The following FSD1L variants were observed in gnomAD, a reference collection of about 807,000 sequenced individuals.
FSD1L encodes the protein FSD1-like protein.
In FSD1L, 45 loss-of-function variants were observed where a neutral mutation model predicts 71.6. That is an observed-to-expected ratio of 0.63 (90% CI 0.49 to 0.81). The LOEUF is 0.81. FSD1L is among the 30% of genes least tolerant of loss of function. FSD1L has a pLI of 0.00. For synonymous variants in FSD1L, 197 were observed against 207.2 expected (o/e 0.95, Z 0.42); for missense variants, 561 against 618.1 (o/e 0.91, Z 0.98).
At chr9:105,470,325 T>A (rs1831371655) in intron 4 of FSD1L, among the ~76,000 whole-genome samples, 1 of 152,178 alleles carries the variant, frequency 6.6e-6, no homozygotes, top group Admixed American at 6.5e-5. Flanking sequence ...TACATTGAAT[T>A]TATAGATTGC....
intron 1 of FSD1L, among the ~76,000 whole-genome samples, chr9:105,453,658 A>G (rs556266876): frequency 1.3e-5 from 2 of 152,232 alleles, no homozygotes; most frequent in South Asian, 4.1e-4. Flanking sequence ...TATATAATAC[A>G]GATACATTCA....
chr9:105,452,198 C>T (rs1429182144), intron 1 of FSD1L, among the ~76,000 whole-genome samples: 1 of 152,214 alleles, frequency 6.6e-6, no homozygotes, highest in Non-Finnish European at 1.5e-5. Context: ...TCTTTGCCTT[C>T]ATATTGTACC....
rs1022473930 is a variant in FSD1L at position 105,493,402 on chromosome 9, G to A, written c.586+8900G>A. ...TTTGAGCCTATGTGTGTCTCTGCAC[G>A]TGAGATGGGTTTCCTGAATACAGCA... On this transcript the variant is annotated intron_variant, in intron 7 of 13. Coordinates refer to ENST00000481272, the MANE Select transcript of FSD1L (RefSeq NM_001145313.3). Among the ~76,000 whole-genome samples the A allele has an allele frequency of 2.1e-3, 320 of 152,102 alleles. 3 individuals carry two copies. Among genetic ancestry groups the A allele is most frequent in the African/African-American group, 7.2e-3 (297 of 41,464 alleles).
At position 105,512,924 on chromosome 9, in the gene FSD1L, A is replaced by G; in HGVS notation, c.1013A>G (p.Glu338Gly). 6.5e-7 allele frequency: 1 copy of G among 1,536,858 alleles called. No individual in the cohort carries two copies. Among genetic ancestry groups the G allele is most frequent in the Non-Finnish European group, 8.8e-7 (1 of 1,141,490 alleles). ...CAAGAAAGTAAAATTAAAGGAAAAG[A>G]GAACAAGGGCAGGTAAGCTAGACCA... Reference protein sequence around the residue: ...KGQESKIKGKENKGRSGTPSP... With the variant: ...KGQESKIKGKGNKGRSGTPSP... The change falls in exon 10 of 14, where the codon GAG becomes GGG. Residue 338 changes from glutamate to glycine, a missense_variant. Transcript: ENST00000481272.
Position 105,481,776 on chromosome 9 carries a change from A to T in FSD1L, c.464+2400A>T, listed in dbSNP as rs558743501. On this transcript the variant is annotated intron_variant, in intron 6 of 13. Transcript: ENST00000481272. ...GCTATTTTCACCAAGCAAAGAAAGG[A>T]TTTTTTTTTTTTTTGGGTCAGGGTC... 2.1e-5 allele frequency among the ~76,000 whole-genome samples: 3 copies of T among 143,962 alleles called. No individual in the cohort carries two copies. In the South Asian group the frequency reaches 6.7e-4, roughly 32 times the overall value. 94.4% of individuals were successfully genotyped at this position (143,962 alleles called of 152,430 possible).
intron 7 of FSD1L, among the ~76,000 whole-genome samples, chr9:105,492,763 T>C (rs1268695852): frequency 6.6e-6 from 1 of 152,162 alleles, no homozygotes; most frequent in African/African-American, 2.4e-5. Flanking sequence ...ATGTACCCAG[T>C]AGTCATTCAG....
At chr9:105,479,224 G>C in intron 5 of FSD1L, 130 bp from the exon 6 acceptor site, 1 of 679,046 alleles carries the variant, frequency 1.5e-6, no homozygotes, top group Non-Finnish European at 2.5e-6. Context: ...TCTATAGTTT[G>C]TGTTTTGGTG....
chr9:105,524,971 C>G (rs1336392155), intron 10 of FSD1L: 2 of 1,611,440 alleles, frequency 1.2e-6, no homozygotes, highest in Non-Finnish European at 8.5e-7. Flanking sequence ...GTATCCAGAT[C>G]AGATCAGAAG....
chr9:105,520,737 C>G (rs928880270), intron 10 of FSD1L: 20 of 1,613,136 alleles, frequency 1.2e-5, no homozygotes, highest in Non-Finnish European at 1.6e-5. Context: ...TTCAGCACCA[C>G]AGTCTGAACA....
At chr9:105,510,735 G>C (rs1336391101) in intron 9 of FSD1L, among the ~76,000 whole-genome samples, 1 of 152,080 alleles carries the variant, frequency 6.6e-6, no homozygotes, top group Non-Finnish European at 1.5e-5. Context: ...TATATTATTA[G>C]TTATTTTCTT....
intron 1 of FSD1L, among the ~76,000 whole-genome samples, chr9:105,461,120 A>G (rs542812684): frequency 1.4e-3 from 218 of 152,322 alleles, no homozygotes; most frequent in African/African-American, 4.8e-3. Flanking sequence ...AAAGTTCAGA[A>G]AGCTTTTAGG....
intron 4 of FSD1L, among the ~76,000 whole-genome samples, chr9:105,471,164 C>A (rs1564089937): frequency 1.3e-5 from 2 of 149,844 alleles, no homozygotes; most frequent in South Asian, 4.2e-4. Flanking sequence ...TCTTGCCTTT[C>A]CTTCTTCCCA....
chr9:105,468,278 T>G lies in FSD1L; in HGVS notation c.293T>G (p.Ile98Ser). The G allele has an allele frequency of 6.7e-7, 1 of 1,491,808 alleles. No homozygotes were observed. Among genetic ancestry groups the G allele is most frequent in the Non-Finnish European group, 8.9e-7 (1 of 1,126,180 alleles). 92.4% of individuals were successfully genotyped at this position (1,491,808 alleles called of 1,614,324 possible). ...CTGGATGAAGTAAAAGAAAGTATGA[T>G]TAACTGTATCAAGCAGGAACAAGCT... The part of the protein sequence containing the change: ...SILDEVKESM[I>S]NCIKQEQARK... The change falls in exon 4 of 14, where the codon ATT (isoleucine) becomes AGT (serine). Residue 98 changes from isoleucine (I) to serine (S), a missense_variant. By Grantham distance (142) the Ile-to-Ser change is moderately radical. This residue lies in a region of FSD1L where 410 missense variants were observed against 413.5 expected (regional missense o/e 0.99). Transcript: ENST00000481272.
chr9:105,529,336 G>A (rs536756924), intron 10 of FSD1L, among the ~76,000 whole-genome samples: 9 of 152,194 alleles, frequency 5.9e-5, no homozygotes, highest in African/African-American at 1.9e-4. Context: ...TATGTTTATC[G>A]GGTCACTATT....
upstream of FSD1L, among the ~76,000 whole-genome samples, chr9:105,443,203 C>T (rs1321877193): frequency 3.3e-5 from 5 of 152,140 alleles, no homozygotes; most frequent in East Asian, 5.8e-4. Flanking sequence ...AAGACATACT[C>T]GAGACTGGGT....
At chr9:105,448,677 C>T (rs1412833674) in intron 1 of FSD1L, among the ~76,000 whole-genome samples, 6 of 152,342 alleles carry the variant, frequency 3.9e-5, no homozygotes, top group African/African-American at 1.4e-4. Context: ...TCGACCAAGT[C>T]TCGTCTCAGC....
At chr9:105,460,890 G>A (rs1000619434) in intron 1 of FSD1L, among the ~76,000 whole-genome samples, 2 of 152,162 alleles carry the variant, frequency 1.3e-5, no homozygotes, top group African/African-American at 2.4e-5. Flanking sequence ...GGACCCCGAA[G>A]TGGTGTTACT....
At chr9:105,495,259 G>A (rs922268032) in intron 7 of FSD1L, among the ~76,000 whole-genome samples, 2 of 152,186 alleles carry the variant, frequency 1.3e-5, no homozygotes, top group East Asian at 3.9e-4. Flanking sequence ...TCAGACTGCT[G>A]TGCTAGCAAT....
intron 10 of FSD1L, among the ~76,000 whole-genome samples, chr9:105,514,775 A>G (rs1834600701): frequency 6.6e-6 from 1 of 152,216 alleles, no homozygotes; most frequent in Non-Finnish European, 1.5e-5. Flanking sequence ...ATGTAAATCA[A>G]CACAGATCAC....
Sources: allele counts gnomAD v4.1 joint callset (sites outside exome capture counted in the v4.1 genomes callset), GRCh38; gene constraint gnomAD v4.1.1; regional missense constraint gnomAD v4.1.1; transcripts MANE v1.5; gene names NCBI Gene and HGNC (gene_info 2026-07-23, HGNC 2026-07-21).